The following ARL3 variants were observed in gnomAD, a reference collection of about 807,000 sequenced individuals.
The protein encoded by ARL3 is ADP-ribosylation factor-like protein 3.
Under a neutral mutation model 26.0 loss-of-function variants are expected in ARL3, and 9 were observed. The ratio of observed to expected loss-of-function variants is 0.35; its 90% CI spans 0.21 to 0.60. ARL3 has a LOEUF of 0.60. Ranked by LOEUF, ARL3 falls within the 20% of genes least tolerant of loss-of-function variation. ARL3 has a pLI of 0.78. For missense variants in ARL3, 158 were observed against 215.7 expected, an observed-to-expected ratio of 0.73 and a Z score of 1.67; for synonymous variants, 71 against 78.4, an observed-to-expected ratio of 0.91 and a Z score of 0.50.
chr10:102,705,469 GC>G lies in ARL3; in HGVS notation c.23del (p.Arg8ProfsTer3), dbSNP rs2064304794. On this transcript the variant is annotated frameshift_variant, in exon 2 of 6. Transcript: ENST00000260746. LOFTEE classifies it high-confidence loss of function. MGLLSIL[R>X]KLKSAPDQEV... ...CCTGGTCTGGTGCACTTTTCAACTT[GC>G]GCAAAATTGAGAGCAAGCCCTTCAA... The G allele has an allele frequency of 1.3e-6, 2 of 1,598,378 alleles. No individual in the cohort carries two copies. The highest frequency in any genetic ancestry group is 1.7e-6 in the Non-Finnish European group (2 of 1,167,506).
At chr10:102,700,983 C>G (rs936535750) in intron 2 of ARL3, among the ~76,000 whole-genome samples, 1 of 151,600 alleles carries the variant, frequency 6.6e-6, no homozygotes, top group South Asian at 2.1e-4. Flanking sequence ...GTGATCCGCC[C>G]GCCTCAGCCT....
intron 2 of ARL3, 78 bp downstream of exon 2, chr10:102,705,268 T>C: frequency 6.9e-7 from 1 of 1,449,564 alleles, no homozygotes; most frequent in Admixed American, 2.2e-5. Context: ...GACAAAACTG[T>C]ATTTCCCATT....
chr10:102,690,070 G>C, intron 3 of ARL3, 127 bp from the exon 4 acceptor site: 1 of 539,824 alleles, frequency 1.9e-6, no homozygotes, highest in South Asian at 3.2e-5. Flanking sequence ...AAATTGACTG[G>C]TGAGTCTCAT....
intron 5 of ARL3, among the ~76,000 whole-genome samples, chr10:102,679,288 T>A (rs1037987372): frequency 6.6e-6 from 1 of 152,312 alleles, no homozygotes; most frequent in African/African-American, 2.4e-5. Flanking sequence ...GGAAAGGCAA[T>A]GGTGGTGCCC....
chr10:102,677,062 G>T, intron 5 of ARL3, 121 bp from the exon 6 acceptor site: 1 of 1,143,216 alleles, frequency 8.7e-7, no homozygotes, highest in Non-Finnish European at 1.3e-6. Context: ...CAGCTTTAGG[G>T]AGTTTGCTTG....
At chr10:102,705,549 A>T in intron 1 of ARL3, 60 bp from the exon 2 acceptor site, 2 of 1,413,468 alleles carry the variant, frequency 1.4e-6, no homozygotes, top group East Asian at 5.0e-5. Flanking sequence ...TATTAACTGG[A>T]TATGAGAATA....
At chr10:102,694,184 T>C (rs550535377) in intron 3 of ARL3, among the ~76,000 whole-genome samples, 1 of 151,232 alleles carries the variant, frequency 6.6e-6, no homozygotes, top group East Asian at 2.0e-4. Context: ...AGAGATGGGG[T>C]TTCACCGTGT....
At chr10:102,680,684 G>A (rs796673795) in intron 5 of ARL3, among the ~76,000 whole-genome samples, 40 of 152,210 alleles carry the variant, frequency 2.6e-4, no homozygotes, top group African/African-American at 8.7e-4. Context: ...ATCACTGCTC[G>A]GTAGCTGGAA....
At chr10:102,690,978 C>T (rs2064213889) in intron 3 of ARL3, among the ~76,000 whole-genome samples, 1 of 151,328 alleles carries the variant, frequency 6.6e-6, no homozygotes. Flanking sequence ...ACCTCAGCCT[C>T]CTGAGTAGTT....
At chr10:102,686,665 A>C (rs1378749105) in intron 4 of ARL3, among the ~76,000 whole-genome samples, 1 of 151,104 alleles carries the variant, frequency 6.6e-6, no homozygotes, top group Non-Finnish European at 1.5e-5. Context: ...GGTTTTCACC[A>C]TGTTGGTCAG....
At chr10:102,695,093 C>T (rs2064239796) in intron 3 of ARL3, among the ~76,000 whole-genome samples, 1 of 152,218 alleles carries the variant, frequency 6.6e-6, no homozygotes, top group African/African-American at 2.4e-5. Flanking sequence ...TGTTCCTTTT[C>T]AGTACTATGT....
chr10:102,694,783 A>G (rs886145406), intron 3 of ARL3, among the ~76,000 whole-genome samples: 4 of 151,914 alleles, frequency 2.6e-5, no homozygotes, highest in Non-Finnish European at 5.9e-5. Context: ...CAATGGTGCA[A>G]TCTCGGCTCA....
chr10:102,685,822 G>A lies in ARL3; in HGVS notation c.495C>T (p.Gly165=), dbSNP rs547067319. Residue 165 remains glycine (G), a synonymous_variant, in exon 5 of 6, where the codon GGC becomes GGT. Transcript: ENST00000260746. ...IQSCSALTGE[G]VQDGMNWVCK... ...AGCCTTCCTGTAATCTCACCTGAAC[G>A]CCCTCTCCTGTGAGAGCTGAGCAAG... The A allele has an allele frequency of 1.9e-5, 30 of 1,607,940 alleles. No individual in the cohort carries two copies. The highest frequency in any genetic ancestry group is 1.1e-4 in the African/African-American group (8 of 74,802).
chr10:102,680,784 G>A (rs2135995629), intron 5 of ARL3, among the ~76,000 whole-genome samples: 1 of 152,238 alleles, frequency 6.6e-6, no homozygotes. Context: ...AAGATGATGA[G>A]GTGCTCGGAC....
chr10:102,706,280 T>C (rs762834597), intron 1 of ARL3, among the ~76,000 whole-genome samples: 16 of 152,088 alleles, frequency 1.1e-4, no homozygotes, highest in Admixed American at 2.0e-4. Context: ...TGAAACCCTG[T>C]CTCTACAAAA....
chr10:102,702,853 G>C (rs2064287647), intron 2 of ARL3, among the ~76,000 whole-genome samples: 1 of 152,158 alleles, frequency 6.6e-6, no homozygotes, highest in Non-Finnish European at 1.5e-5. Context: ...AAAGAGTTGT[G>C]AATCAGTAAG....
chr10:102,691,355 G>A (rs2064216367), intron 3 of ARL3, among the ~76,000 whole-genome samples: 1 of 140,200 alleles, frequency 7.1e-6, no homozygotes, highest in African/African-American at 2.7e-5. Context: ...TCCCACCTAT[G>A]AGTGAGAATA....
Position 102,677,439 on chromosome 10 carries a change from A to G in ARL3, c.502-498T>C, listed in dbSNP as rs994244083. On this transcript the variant is annotated intron_variant, in intron 5 of 5. Coordinates refer to ENST00000260746, the MANE Select transcript of ARL3 (RefSeq NM_004311.4). ...CTGCAGTGAGTGTTGCGAGGCACAC[A>G]CCAGGGCGATGTGCATTTACTTCTC... Among the ~76,000 whole-genome samples the G allele has an allele frequency of 3.3e-5, 5 of 152,180 alleles. No homozygotes were observed. The East Asian group carries it at 5.8e-4, about 18-fold the overall frequency.
Position 102,711,340 on chromosome 10 carries a change from A to G in ARL3, c.3+2933T>C, listed in dbSNP as rs867006648. 8.4e-4 allele frequency among the ~76,000 whole-genome samples: 110 copies of G among 130,674 alleles called. 1 individual carries two copies. Among genetic ancestry groups the G allele is most frequent in the East Asian group, 3.6e-3 (18 of 5,058 alleles). The allele number at this position is 130,674 out of a possible 152,430, so 85.7% of individuals were successfully genotyped here. The stretch of plus-strand genomic sequence containing the variant: ...TGTGTGTGTGTGTGTGTGTGTGTAT[A>G]TATATATATATATGTATGTATATGT... On this transcript the variant is annotated intron_variant, in intron 1 of 5. Transcript: ENST00000260746.
Sources: gnomAD v4.1 joint callset for allele counts (sites outside exome capture counted in the v4.1 genomes callset) on GRCh38, gnomAD v4.1.1 for gene constraint, MANE v1.5 for transcripts, NCBI Gene and HGNC (gene_info 2026-07-23, HGNC 2026-07-21) for gene names.